SLC39A11: variants seen among roughly 807,000 people sequenced by gnomAD.
SLC39A11 encodes the protein zinc transporter ZIP11.
A neutral mutation model predicts 36.1 loss-of-function variants in SLC39A11; 33 were observed. That is an observed-to-expected ratio of 0.91 (90% CI 0.69 to 1.22). SLC39A11 has a LOEUF of 1.22. Ranked by LOEUF, SLC39A11 falls within the 50% of genes most tolerant of loss-of-function variation. The pLI is 0.00. For synonymous variants in SLC39A11, 166 were observed against 170.3 expected (o/e 0.97, Z 0.20); for missense variants, 432 against 430.3 (o/e 1.00, Z -0.03).
intron 6 of SLC39A11, among the ~76,000 whole-genome samples, chr17:72,805,995 A>G (rs977694813): frequency 1.2e-4 from 18 of 151,868 alleles, no homozygotes; most frequent in African/African-American, 4.4e-4. Flanking sequence ...CATGCTATCC[A>G]CCTGCCTTGG....
chr17:73,087,412 T>C (rs2060770444), intron 2 of SLC39A11, among the ~76,000 whole-genome samples: 1 of 152,182 alleles, frequency 6.6e-6, no homozygotes, highest in Admixed American at 6.5e-5. Context: ...CCTCACAACA[T>C]GTTGAACTAG....
intron 6 of SLC39A11, among the ~76,000 whole-genome samples, chr17:72,836,754 G>T (rs1373817710): frequency 6.6e-6 from 1 of 152,044 alleles, no homozygotes; most frequent in Non-Finnish European, 1.5e-5. Context: ...ACCTTGAAAG[G>T]CCCCCGTAAG....
At chr17:72,717,845 C>T (rs542030551) in intron 7 of SLC39A11, among the ~76,000 whole-genome samples, 32 of 152,302 alleles carry the variant, frequency 2.1e-4, no homozygotes, top group African/African-American at 7.0e-4. Flanking sequence ...CCCTGCACAT[C>T]GGCTGTCTAG....
At position 73,068,274 on chromosome 17, in the gene SLC39A11, G is replaced by A. The variant is rs2060056009; in HGVS notation, c.147+16534C>T. On this transcript the variant is annotated intron_variant, in intron 3 of 9. Transcript: ENST00000255559. ...GAGGGAGGAAGCTGCAACATGGACT[G>A]CGGCTCCTCCACCATCTTGCTTGGA... 4 of 691,736 alleles carry A rather than the reference G, an allele frequency of 5.8e-6. No homozygotes were observed. In the East Asian group the frequency reaches 7.5e-5, roughly 13 times the overall value. The allele number at this position is 691,736 out of a possible 1,614,324, so 42.8% of individuals were successfully genotyped here. A position where few individuals can be genotyped will look rare whatever the true frequency, so the allele number is the denominator to read the frequency against.
At position 72,721,392 on chromosome 17, in the gene SLC39A11, C is replaced by T. The variant is rs1184603916; in HGVS notation, c.671+15258G>A. ...GATTACAGGCAAGAACCACCATGTC[C>T]GGTCTTGACTGCTGCCCTTACTAGC... On this transcript the variant is annotated intron_variant, in intron 7 of 9. Transcript: ENST00000255559. Among the ~76,000 whole-genome samples the T allele has an allele frequency of 1.1e-4, 17 of 152,182 alleles. 1 individual carries two copies. Among genetic ancestry groups the T allele is most frequent in the Admixed American group, 1.3e-4 (2 of 15,286 alleles).
At position 72,900,113 on chromosome 17, in the gene SLC39A11, G is replaced by GAAAGAAAGAAAGAA. The variant is rs1159311514; in HGVS notation, c.430+47638_430+47639insTTCTTTCTTTCTTT. 3.7e-4 allele frequency among the ~76,000 whole-genome samples: 36 copies of GAAAGAAAGAAAGAA among 97,322 alleles called. 2 individuals are homozygous for GAAAGAAAGAAAGAA. The highest frequency in any genetic ancestry group is 1.7e-3 in the African/African-American group (27 of 16,108). The allele number at this position is 97,322 out of a possible 152,430, so 63.8% of individuals were successfully genotyped here. On this transcript the variant is annotated intron_variant, in intron 5 of 9. Coordinates refer to ENST00000255559, the MANE Select transcript of SLC39A11 (RefSeq NM_139177.4). ...GAAAGAGAAAAGAAAGAAAGAAAAA[G>GAAAGAAAGAAAGAA]AAAGAAAGAAAAGAAAGAAAGAAAG...
chr17:73,013,154 C>T (rs567569081), intron 4 of SLC39A11, among the ~76,000 whole-genome samples: 31 of 152,088 alleles, frequency 2.0e-4, no homozygotes, highest in African/African-American at 6.5e-4. Context: ...GTGCAGTGCA[C>T]AATCTCGGCT....
At chr17:72,792,808 T>G (rs905629461) in intron 6 of SLC39A11, among the ~76,000 whole-genome samples, 2 of 152,144 alleles carry the variant, frequency 1.3e-5, no homozygotes, top group South Asian at 4.1e-4. Context: ...CACCAGCTCC[T>G]CCACACACCC....
intron 6 of SLC39A11, among the ~76,000 whole-genome samples, chr17:72,788,824 G>A (rs2076602036): frequency 6.6e-6 from 1 of 152,242 alleles, no homozygotes; most frequent in South Asian, 2.1e-4. Flanking sequence ...AGACTGGTCA[G>A]TGGAGAGTAT....
At chr17:72,701,268 T>G (rs537728785) in intron 7 of SLC39A11, among the ~76,000 whole-genome samples, 1 of 152,264 alleles carries the variant, frequency 6.6e-6, no homozygotes, top group South Asian at 2.1e-4. Context: ...TGATCAAGCC[T>G]CAGAAGTGGG....
chr17:72,882,620 C>T (rs995709782), intron 5 of SLC39A11, among the ~76,000 whole-genome samples: 18 of 152,034 alleles, frequency 1.2e-4, no homozygotes, highest in African/African-American at 4.1e-4. Flanking sequence ...TCAGCTGGCC[C>T]GCTCTGCTAC....
intron 3 of SLC39A11, among the ~76,000 whole-genome samples, chr17:73,056,820 T>C (rs1193159411): frequency 6.6e-6 from 1 of 152,230 alleles, no homozygotes; most frequent in Non-Finnish European, 1.5e-5. Flanking sequence ...CCAGAACCTG[T>C]GCTTTTCTAG....
At chr17:72,911,312 T>C (rs946585777) in intron 5 of SLC39A11, among the ~76,000 whole-genome samples, 11 of 152,144 alleles carry the variant, frequency 7.2e-5, no homozygotes, top group East Asian at 1.9e-4. Flanking sequence ...ATATACCTAA[T>C]GTTAAATGAC....
chr17:73,090,404 A>C (rs2060886209), intron 1 of SLC39A11, among the ~76,000 whole-genome samples: 1 of 152,194 alleles, frequency 6.6e-6, no homozygotes, highest in Admixed American at 6.5e-5. Context: ...TTAAAGAAAA[A>C]AAAAATCATT....
chr17:72,865,838 G>GA (rs2080273588), intron 5 of SLC39A11, among the ~76,000 whole-genome samples: 1 of 151,852 alleles, frequency 6.6e-6, no homozygotes, highest in Non-Finnish European at 1.5e-5. Flanking sequence ...ATACAACCAA[G>GA]AAAAAACAGA....
intron 5 of SLC39A11, among the ~76,000 whole-genome samples, chr17:72,904,098 A>G (rs1175840123): frequency 1.3e-5 from 2 of 152,328 alleles, no homozygotes; most frequent in East Asian, 3.9e-4. Flanking sequence ...GGGAGGGCAG[A>G]TGACACAGAA....
At chr17:72,739,575 T>G (rs1318841424) in intron 6 of SLC39A11, among the ~76,000 whole-genome samples, 1 of 152,140 alleles carries the variant, frequency 6.6e-6, no homozygotes, top group East Asian at 1.9e-4. Flanking sequence ...ACTGTCAGAT[T>G]CAGAAGCCAG....
chr17:73,090,601 T>C (rs1599257691), intron 1 of SLC39A11, among the ~76,000 whole-genome samples: 3 of 152,208 alleles, frequency 2.0e-5, no homozygotes, highest in East Asian at 1.9e-4. Context: ...TTAGTACTTA[T>C]CATCCAAGAC....
At chr17:73,020,509 C>A (rs1260495010) in intron 4 of SLC39A11, among the ~76,000 whole-genome samples, 1 of 152,048 alleles carries the variant, frequency 6.6e-6, no homozygotes, top group Non-Finnish European at 1.5e-5. Flanking sequence ...TAGCAGGAAC[C>A]CACTTAGCTG....
Sources: allele counts gnomAD v4.1 joint callset (sites outside exome capture counted in the v4.1 genomes callset), GRCh38; gene constraint gnomAD v4.1.1; transcripts MANE v1.5; gene names NCBI Gene and HGNC (gene_info 2026-07-23, HGNC 2026-07-21).